CDH23: variants seen among roughly 807,000 people sequenced by gnomAD.
CDH23 encodes cadherin related 23.
A neutral mutation model predicts 317.1 loss-of-function variants in CDH23; 189 were observed. The observed-to-expected ratio is 0.60, with a 90% CI of 0.53 to 0.67. CDH23 has a LOEUF of 0.67. CDH23 is among the 30% of genes least tolerant of loss of function. The probability of loss-of-function intolerance (pLI) is 0.00; values close to 1 mark genes in which losing one functional copy is unlikely to be tolerated. For synonymous variants in CDH23, 1,839 were observed against 1,876.8 expected (o/e 0.98, Z 0.52); for missense variants, 4,401 against 4,592.4 (o/e 0.96, Z 1.20).
chr10:71,739,472 AC>A (rs1211014226), intron 35 of CDH23, among the ~76,000 whole-genome samples, 171 bp from the exon 36 acceptor site: 1 of 151,888 alleles, frequency 6.6e-6, no homozygotes, highest in Non-Finnish European at 1.5e-5. Context: ...ATGGGCCTGC[AC>A]CCCCATTTTG....
intron 48 of CDH23, chr10:71,795,679 C>G (rs1841379874): frequency 1.9e-6 from 1 of 521,270 alleles, no homozygotes; most frequent in Non-Finnish European, 2.5e-6. Flanking sequence ...GTGCCTCTTC[C>G]CCTCCCCACT....
intron 45 of CDH23, 96 bp from the exon 46 acceptor site, chr10:71,790,192 T>C: frequency 2.7e-6 from 4 of 1,505,964 alleles, no homozygotes; most frequent in Non-Finnish European, 3.6e-6. Context: ...TCCCCTCTCA[T>C]CCATCGTCAG....
At chr10:71,651,718 T>C (rs1218669854) in intron 14 of CDH23, among the ~76,000 whole-genome samples, 2 of 152,162 alleles carry the variant, frequency 1.3e-5, no homozygotes, top group Non-Finnish European at 2.9e-5. Flanking sequence ...CCCCACAATA[T>C]GCCCTTTGGG....
At chr10:71,438,347 CAAAAA>C (rs10596696) in intron 1 of CDH23, among the ~76,000 whole-genome samples, 3 of 98,356 alleles carry the variant, frequency 3.1e-5, no homozygotes, top group Non-Finnish European at 4.4e-5. Flanking sequence ...CTGTCTCAAA[CAAAAA>C]AAAAAAAAAA....
intron 9 of CDH23, among the ~76,000 whole-genome samples, chr10:71,595,662 A>G (rs1859791709): frequency 6.6e-6 from 1 of 152,100 alleles, no homozygotes; most frequent in Admixed American, 6.5e-5. Flanking sequence ...TCCTTTCCCA[A>G]GGGGCATCCC....
intron 38 of CDH23, among the ~76,000 whole-genome samples, chr10:71,776,149 G>C (rs1353511839): frequency 6.6e-6 from 1 of 152,180 alleles, no homozygotes; most frequent in Admixed American, 6.5e-5. Flanking sequence ...AGGCCACGCA[G>C]CTCCTTTTCA....
intron 3 of CDH23, among the ~76,000 whole-genome samples, chr10:71,466,360 G>C (rs757934220): frequency 2.0e-5 from 3 of 152,130 alleles, no homozygotes; most frequent in Admixed American, 6.5e-5. Context: ...GCTCATGTGT[G>C]TGTGCTCATG....
At chr10:71,487,313 G>T (rs1852404155) in intron 3 of CDH23, among the ~76,000 whole-genome samples, 1 of 152,120 alleles carries the variant, frequency 6.6e-6, no homozygotes, top group Non-Finnish European at 1.5e-5. Context: ...GGGGGTTAGG[G>T]GTGCTGACCA....
At chr10:71,592,775 G>A (rs925748112) in intron 9 of CDH23, among the ~76,000 whole-genome samples, 34 of 152,300 alleles carry the variant, frequency 2.2e-4, no homozygotes, top group African/African-American at 6.3e-4. Context: ...TGCATTTGAT[G>A]GCCATTCTTC....
At chr10:71,814,679 G>GAGAC (rs1182641381) in intron 69 of CDH23, among the ~76,000 whole-genome samples, 1 of 38,374 alleles carries the variant, frequency 2.6e-5, no homozygotes, top group Non-Finnish European at 5.5e-5. Context: ...ACAAGAAGCC[G>GAGAC]ATACACACAC....
At chr10:71,620,395 T>G (rs946215580) in intron 11 of CDH23, among the ~76,000 whole-genome samples, 11 of 152,048 alleles carry the variant, frequency 7.2e-5, no homozygotes, top group African/African-American at 2.2e-4. Flanking sequence ...GTCCAGCGAG[T>G]GCCACCAGAT....
rs979828775 is a variant in CDH23, at chr10:71,799,779, C to T, written c.7362+150C>T. ...AGGTTCTTTAGCCAAGTCAGCAAACCCTGTTCTCAGAGTCCCAGACATTTG... is the reference window on the plus strand; with the variant it reads ...AGGTTCTTTAGCCAAGTCAGCAAACTCTGTTCTCAGAGTCCCAGACATTTG... On this transcript the variant is annotated intron_variant, in intron 52 of 69. Coordinates refer to ENST00000224721, the MANE Select transcript of CDH23 (RefSeq NM_022124.6). The T allele has an allele frequency of 3.8e-6, 4 of 1,055,892 alleles. No individual in the cohort carries two copies. The African/African-American group carries it at 6.3e-5, about 17-fold the overall frequency. 65.4% of individuals were successfully genotyped at this position (1,055,892 alleles called of 1,614,324 possible). A position where few individuals can be genotyped will look rare whatever the true frequency, so the allele number is the denominator to read the frequency against.
intron 10 of CDH23, among the ~76,000 whole-genome samples, chr10:71,616,114 C>A (rs1243467574): frequency 1.3e-5 from 2 of 152,240 alleles, no homozygotes; most frequent in East Asian, 3.9e-4. Context: ...AGTCCCGCAC[C>A]CGCTGCAGCC....
chr10:71,500,935 T>A (rs1024384312), intron 3 of CDH23, among the ~76,000 whole-genome samples: 4 of 151,968 alleles, frequency 2.6e-5, no homozygotes, highest in African/African-American at 4.8e-5. Context: ...AGTGGCATGA[T>A]CTTGGCTCAC....
chr10:71,609,687 A>G (rs1860742426), intron 9 of CDH23, among the ~76,000 whole-genome samples: 2 of 152,028 alleles, frequency 1.3e-5, no homozygotes, highest in Admixed American at 1.3e-4. Context: ...CCTTCTAAAT[A>G]TTCCTGGTTA....
intron 9 of CDH23, among the ~76,000 whole-genome samples, chr10:71,603,857 G>T (rs769800403): frequency 6.6e-6 from 1 of 152,220 alleles, no homozygotes; most frequent in Non-Finnish European, 1.5e-5. Context: ...TGATAAATGG[G>T]TAGCAGTGCT....
chr10:71,799,176 G>A lies in CDH23; in HGVS notation c.7120G>A (p.Ala2374Thr), dbSNP rs2132967783. The A allele has an allele frequency of 1.2e-6, 2 of 1,614,046 alleles. No homozygotes were observed. The highest frequency in any genetic ancestry group is 1.7e-6 in the Non-Finnish European group (2 of 1,179,898). ...EVHWLNFTVRASDNGSPPRAA... is the reference protein window; with the variant it reads ...EVHWLNFTVRTSDNGSPPRAA... Reference sequence around the variant, plus strand: ...GCACTGGCTCAACTTTACCGTGAGGGCCTCAGACAACGGGTCCCCGCCCCG... The same window carrying A: ...GCACTGGCTCAACTTTACCGTGAGGACCTCAGACAACGGGTCCCCGCCCCG... Residue 2374 changes from alanine (A) to threonine (T), a missense_variant, in exon 51 of 70, where the codon GCC becomes ACC. Transcript: ENST00000224721.
intron 1 of CDH23, among the ~76,000 whole-genome samples, chr10:71,403,326 C>CCTTTCTTTCTTTCTTTCTTT (rs201389920): frequency 1.6e-5 from 1 of 60,746 alleles, no homozygotes; most frequent in African/African-American, 9.1e-5. Context: ...TTCCTTCCTT[C>CCTTTCTTTCTTTCTTTCTTT]CTTTCTTTCT....
intron 28 of CDH23, among the ~76,000 whole-genome samples, chr10:71,718,237 A>T (rs2132779678): frequency 6.6e-6 from 1 of 152,232 alleles, no homozygotes; most frequent in East Asian, 1.9e-4. Context: ...GGAGTGGGCC[A>T]CCTAGTTCCC....
Sources: allele counts gnomAD v4.1 joint callset (sites outside exome capture counted in the v4.1 genomes callset), GRCh38; gene constraint gnomAD v4.1.1; transcripts MANE v1.5; gene names NCBI Gene and HGNC (gene_info 2026-07-23, HGNC 2026-07-21).